NRXN3: variants seen among roughly 807,000 people sequenced by gnomAD.
NRXN3 encodes the protein neurexin 3.
NRXN3 carries 32 observed loss-of-function variants against 137.6 expected under a neutral mutation model. The observed-to-expected ratio is 0.23, with a 90% CI of 0.18 to 0.31. The LOEUF is 0.31. Among genes scored for constraint, NRXN3 ranks in the 10% least tolerant of loss-of-function variants. The pLI, the probability that NRXN3 is intolerant of heterozygous loss-of-function variation, is 1.00. For synonymous variants in NRXN3, 798 were observed against 784.5 expected (o/e 1.02, Z -0.29); for missense variants, 1,574 against 2,062.5 (o/e 0.76, Z 4.59).
intron 15 of NRXN3, among the ~76,000 whole-genome samples, chr14:79,252,708 CT>C (rs991238586): frequency 7.2e-5 from 11 of 152,130 alleles, no homozygotes; most frequent in Admixed American, 1.3e-4. Context: ...CGAATGAGAC[CT>C]TTCCAAAGTG....
chr14:79,178,697 A>T (rs1362792688), intron 15 of NRXN3, among the ~76,000 whole-genome samples: 1 of 152,242 alleles, frequency 6.6e-6, no homozygotes, highest in Non-Finnish European at 1.5e-5. Context: ...TACAAGAGAA[A>T]GCACAAGACA....
intron 16 of NRXN3, among the ~76,000 whole-genome samples, chr14:79,570,059 A>G (rs922018880): frequency 3.3e-5 from 5 of 152,184 alleles, no homozygotes; most frequent in Admixed American, 3.3e-4. Flanking sequence ...GTCCTCCACC[A>G]AAACTCTTCA....
chr14:79,112,594 A>G (rs2053727566), intron 15 of NRXN3, among the ~76,000 whole-genome samples: 1 of 152,244 alleles, frequency 6.6e-6, no homozygotes, highest in African/African-American at 2.4e-5. Flanking sequence ...GTACATAGAA[A>G]AGAGAAATAA....
At chr14:79,466,626 C>T (rs2096429428) in intron 15 of NRXN3, among the ~76,000 whole-genome samples, 1 of 151,964 alleles carries the variant, frequency 6.6e-6, no homozygotes, top group Admixed American at 6.6e-5. Flanking sequence ...TTTTTGTTAC[C>T]ATGTTTATAG....
intron 1 of NRXN3, among the ~76,000 whole-genome samples, chr14:78,235,975 G>A (rs988057668): frequency 6.6e-6 from 1 of 152,168 alleles, no homozygotes; most frequent in Non-Finnish European, 1.5e-5. Flanking sequence ...AGAGAGGTTG[G>A]TTTTGACTTG....
intron 15 of NRXN3, among the ~76,000 whole-genome samples, chr14:79,054,723 T>C (rs926098046): frequency 2.6e-5 from 4 of 152,162 alleles, no homozygotes; most frequent in Non-Finnish European, 5.9e-5. Context: ...TTACAAGCTT[T>C]CCTTTAAGAA....
intron 4 of NRXN3, among the ~76,000 whole-genome samples, chr14:78,577,757 G>A (rs547954518): frequency 2.6e-4 from 39 of 152,200 alleles, no homozygotes; most frequent in Admixed American, 5.9e-4. Flanking sequence ...TTAATGTTGC[G>A]TACAGAAACT....
intron 14 of NRXN3, among the ~76,000 whole-genome samples, chr14:78,978,142 A>T (rs1360857542): frequency 6.6e-6 from 1 of 152,184 alleles, no homozygotes; most frequent in Non-Finnish European, 1.5e-5. Flanking sequence ...CACTCTAATC[A>T]TGTGACCTTT....
At chr14:78,685,422 G>T (rs574267315) in intron 6 of NRXN3, among the ~76,000 whole-genome samples, 1 of 152,134 alleles carries the variant, frequency 6.6e-6, no homozygotes, top group South Asian at 2.1e-4. Context: ...TCTGGCCCTT[G>T]CTGCCTCTCT....
chr14:78,951,639 C>A (rs58186092), intron 10 of NRXN3, among the ~76,000 whole-genome samples: 4,435 of 152,164 alleles, frequency 0.029, 109 homozygotes, highest in African/African-American at 0.056. Context: ...TATTGTCTAT[C>A]AGATTTTCTC....
At chr14:79,112,319 A>G (rs2053667908) in intron 15 of NRXN3, among the ~76,000 whole-genome samples, 1 of 152,156 alleles carries the variant, frequency 6.6e-6, no homozygotes, top group African/African-American at 2.4e-5. Flanking sequence ...TGAGTATTGT[A>G]GCATGTAGGA....
chr14:78,632,882 T>G (rs919330451), intron 4 of NRXN3, among the ~76,000 whole-genome samples: 2 of 152,182 alleles, frequency 1.3e-5, no homozygotes. Flanking sequence ...CAATAAATGT[T>G]AATTTCCTGT....
chr14:78,951,592 AC>A (rs2099387234), intron 10 of NRXN3, among the ~76,000 whole-genome samples: 1 of 151,930 alleles, frequency 6.6e-6, no homozygotes, highest in African/African-American at 2.4e-5. Flanking sequence ...ACAGAACTCA[AC>A]CCTATCTAAA....
At chr14:78,783,356 G>A (rs938646871) in intron 8 of NRXN3, among the ~76,000 whole-genome samples, 2 of 152,110 alleles carry the variant, frequency 1.3e-5, no homozygotes, top group African/African-American at 4.8e-5. Flanking sequence ...TATCTGACTA[G>A]TTCTCTTTAA....
At chr14:78,262,589 A>G (rs199627924) in intron 2 of NRXN3, among the ~76,000 whole-genome samples, 6 of 152,104 alleles carry the variant, frequency 3.9e-5, no homozygotes, top group Admixed American at 6.6e-5. Context: ...AAATTCCCAA[A>G]TAGCTTCTCC....
At chr14:78,403,620 C>T (rs1332507961) in intron 4 of NRXN3, 2 of 661,848 alleles carry the variant, frequency 3.0e-6, no homozygotes, top group African/African-American at 2.0e-5. Context: ...TTCTAATTGC[C>T]GGTGCTGCAC....
chr14:79,599,152 G>A (rs1348234455), intron 16 of NRXN3, among the ~76,000 whole-genome samples: 1 of 152,088 alleles, frequency 6.6e-6, no homozygotes, highest in Non-Finnish European at 1.5e-5. Context: ...ATTTCTGACT[G>A]TATTTCCATA....
intron 19 of NRXN3, among the ~76,000 whole-genome samples, chr14:79,802,305 A>G (rs1030685941): frequency 6.6e-6 from 1 of 152,148 alleles, no homozygotes; most frequent in Non-Finnish European, 1.5e-5. Context: ...GCCATTCTGC[A>G]AGGCCCTTAC....
intron 16 of NRXN3, among the ~76,000 whole-genome samples, chr14:79,546,852 T>G (rs577002240): frequency 2.0e-5 from 3 of 152,228 alleles, no homozygotes; most frequent in Non-Finnish European, 4.4e-5. Flanking sequence ...TGGAGCTCAT[T>G]TGCCCCTGCT....
Sources: allele counts gnomAD v4.1 joint callset (sites outside exome capture counted in the v4.1 genomes callset), GRCh38; gene constraint gnomAD v4.1.1; transcripts MANE v1.5; gene names NCBI Gene and HGNC (gene_info 2026-07-23, HGNC 2026-07-21).